The following RYR1 variants were observed in gnomAD, a reference collection of about 807,000 sequenced individuals.
The protein encoded by RYR1 is central core disease of muscle.
Under a neutral mutation model 583.5 loss-of-function variants are expected in RYR1, and 342 were observed. The ratio of observed to expected loss-of-function variants is 0.59; its 90% CI spans 0.54 to 0.64. RYR1 has a LOEUF of 0.64. Among genes scored for constraint, RYR1 ranks in the 30% least tolerant of loss-of-function variants. The pLI, the probability that RYR1 is intolerant of heterozygous loss-of-function variation, is 0.00. For synonymous variants in RYR1, 2,791 were observed against 2,822.5 expected (o/e 0.99, Z 0.35); for missense variants, 6,032 against 6,917.2 (o/e 0.87, Z 4.54).
rs1969812171 is a variant in RYR1, at chr19:38,496,179, G to A, written c.6549-36G>A. 1 of 1,580,768 alleles carries A rather than the reference G, an allele frequency of 6.3e-7. No homozygotes were observed. Among genetic ancestry groups the A allele is most frequent in the Non-Finnish European group, 8.7e-7 (1 of 1,152,328 alleles). On this transcript the variant is annotated intron_variant, in intron 39 of 105. Coordinates refer to ENST00000359596, the MANE Select transcript of RYR1 (RefSeq NM_000540.3). The surrounding 1 kb of genome is among the most constrained non-coding windows in gnomAD (Gnocchi z 4.8). ...TGGCTATGGCCCTCTCCGGACCTGG[G>A]CCCCTGGTGACCCCGCACACTCTGC...
chr19:38,515,655 C>CTGGTG (rs895023051), intron 64 of RYR1, among the ~76,000 whole-genome samples: 9 of 152,088 alleles, frequency 5.9e-5, no homozygotes, highest in African/African-American at 1.9e-4. Context: ...TTTAATTAGC[C>CTGGTG]TGGTGTGGTG....
Position 38,516,083 on chromosome 19 carries a change from C to T in RYR1, c.9555-4C>T, listed in dbSNP as rs1417337927. The stretch of plus-strand genomic sequence containing the variant: ...TGGCAGCTAAACACAGCCCCGTCTT[C>T]CAGGCTTCGGCCAGCCCTCGGGGAG... On this transcript the variant is annotated splice_region_variant and splice_polypyrimidine_tract_variant and intron_variant, in intron 64 of 105. Coordinates refer to ENST00000359596, the MANE Select transcript of RYR1 (RefSeq NM_000540.3). 5.8e-6 allele frequency: 9 copies of T among 1,547,938 alleles called. No individual in the cohort carries two copies. In the Admixed American group the frequency reaches 1.8e-4, roughly 30 times the overall value.
intron 38 of RYR1, 50 bp downstream of exon 38, chr19:38,492,686 C>A (rs367671018): frequency 6.4e-7 from 1 of 1,561,036 alleles, no homozygotes. Flanking sequence ...TGGGTAGCCC[C>A]ATGCCTGCGG....
chr19:38,547,606 C>T (rs1324665794), intron 88 of RYR1, among the ~76,000 whole-genome samples: 1 of 152,052 alleles, frequency 6.6e-6, no homozygotes, highest in Non-Finnish European at 1.5e-5. Flanking sequence ...GAGTGCATGA[C>T]TTTCTCTATG....
In RYR1 at chr19:38,543,706, G is replaced by A. The variant is rs759527000; in HGVS notation, c.11907+46G>A. On this transcript the variant is annotated intron_variant, in intron 86 of 105. Coordinates refer to ENST00000359596, the MANE Select transcript of RYR1 (RefSeq NM_000540.3). The surrounding 1 kb of genome is among the most constrained non-coding windows in gnomAD (Gnocchi z 4.4). ...CGGGAGTGGGAAGGGAGGGGGTCCC[G>A]CATCGTGATCCCTGATCCCTTCTCG... is the stretch of plus-strand genomic sequence containing the variant. The A allele has an allele frequency of 9.3e-6, 15 of 1,611,268 alleles. No individual in the cohort carries two copies. Among genetic ancestry groups the A allele is most frequent in the Non-Finnish European group, 1.3e-5 (15 of 1,179,956 alleles).
chr19:38,493,026 G>A (rs866850916), intron 38 of RYR1, among the ~76,000 whole-genome samples: 7 of 151,868 alleles, frequency 4.6e-5, no homozygotes, highest in African/African-American at 1.7e-4. Flanking sequence ...CCCAGATTGC[G>A]CCACTGCACT....
In RYR1 at chr19:38,463,500, C is replaced by T; in HGVS notation, c.2655C>T (p.Arg885=). The change falls in exon 21 of 106, where the codon CGC becomes CGT. Residue 885 remains arginine (R), a synonymous_variant. Coordinates refer to ENST00000359596, the MANE Select transcript of RYR1 (RefSeq NM_000540.3). ...ENIHELWALT[R]IEQGWTYGPV... ...TCCACGAGCTCTGGGCGCTAACCCG[C>T]ATCGAGCAGGGCTGGACCTACGGCC... 6.2e-7 allele frequency: 1 copy of T among 1,613,204 alleles called. No individual in the cohort carries two copies. Among genetic ancestry groups the T allele is most frequent in the South Asian group, 1.1e-5 (1 of 91,076 alleles).
At chr19:38,438,193 C>T (rs1162325825) in intron 1 of RYR1, among the ~76,000 whole-genome samples, 1 of 151,800 alleles carries the variant, frequency 6.6e-6, no homozygotes, top group African/African-American at 2.4e-5. Context: ...CAAGGCTCAA[C>T]TCAAATGTCA....
intron 99 of RYR1, among the ~76,000 whole-genome samples, chr19:38,578,951 T>C (rs1974078255): frequency 6.6e-6 from 1 of 151,104 alleles, no homozygotes; most frequent in Non-Finnish European, 1.5e-5. Context: ...TGAAACCCTG[T>C]CTCTACAAAC....
At position 38,490,719 on chromosome 19, in the gene RYR1, G is replaced by C. The variant is rs373751867; in HGVS notation, c.6114G>C (p.Leu2038=). The part of the protein sequence containing the change: ...RQDLLDFHQD[L]LAHCGIQLDG... ...ATTTGCTTGACTTTCATCAAGACCTGCTGGCACACTGTGGTAAGGAGTGGG... is the reference window on the plus strand; with the variant it reads ...ATTTGCTTGACTTTCATCAAGACCTCCTGGCACACTGTGGTAAGGAGTGGG... The change falls in exon 37 of 106, where the codon CTG becomes CTC. Residue 2038 remains leucine, a synonymous_variant. Coordinates refer to ENST00000359596, the MANE Select transcript of RYR1 (RefSeq NM_000540.3). 1.2e-6 allele frequency: 2 copies of C among 1,611,166 alleles called. No homozygotes were observed. Among genetic ancestry groups the C allele is most frequent in the Non-Finnish European group, 8.5e-7 (1 of 1,177,230 alleles).
At chr19:38,511,093 T>G (rs1970707103) in intron 60 of RYR1, among the ~76,000 whole-genome samples, 2 of 151,882 alleles carry the variant, frequency 1.3e-5, no homozygotes, top group Admixed American at 1.3e-4. Context: ...GCCAGGAGTT[T>G]GAGGCCAGCC....
chr19:38,537,131 A>C, intron 83 of RYR1: 2 of 363,490 alleles, frequency 5.5e-6, no homozygotes, highest in South Asian at 6.8e-5. Flanking sequence ...ACTCCCACCT[A>C]CTCTGCTCTC....
chr19:38,578,665 C>T (rs1406655791), intron 99 of RYR1, among the ~76,000 whole-genome samples: 1 of 151,892 alleles, frequency 6.6e-6, no homozygotes, highest in Non-Finnish European at 1.5e-5. Flanking sequence ...GCAGCAGGTG[C>T]CTGTAATCCC....
At position 38,529,068 on chromosome 19, in the gene RYR1, T is replaced by C; in HGVS notation, c.11141+11T>C. On this transcript the variant is annotated intron_variant, in intron 76 of 105. Transcript: ENST00000359596. ...CCTGACGGAAAAGAGGTGAAGACTC[T>C]TGCCAGGGCCCCAGAAATGCCCCCA... The C allele has an allele frequency of 6.2e-7, 1 of 1,612,858 alleles. No individual in the cohort carries two copies. Among genetic ancestry groups the C allele is most frequent in the East Asian group, 2.2e-5 (1 of 44,878 alleles).
At chr19:38,481,149 CAG>C (rs1968988232) in intron 31 of RYR1, among the ~76,000 whole-genome samples, 1 of 152,248 alleles carries the variant, frequency 6.6e-6, no homozygotes, top group East Asian at 1.9e-4. Context: ...TTTATTAAGA[CAG>C]GGTCTCATTC....
At chr19:38,464,342 CAGAA>C (rs1239775957) in intron 22 of RYR1, among the ~76,000 whole-genome samples, 1 of 136,478 alleles carries the variant, frequency 7.3e-6, no homozygotes, top group African/African-American at 2.8e-5. Flanking sequence ...GGGACAGAGG[CAGAA>C]AGAGAGAGAA....
chr19:38,460,446 A>T lies in RYR1; in HGVS notation c.2432A>T (p.His811Leu). 8 of 1,614,122 alleles carry T rather than the reference A, an allele frequency of 5.0e-6. No homozygotes were observed. The highest frequency in any genetic ancestry group is 5.9e-6 in the Non-Finnish European group (7 of 1,180,020). The change falls in exon 20 of 106, where the codon CAT (histidine) becomes CTT (leucine). Residue 811 changes from histidine to leucine, a missense_variant. His to Leu is a moderately conservative substitution (Grantham distance 99). This residue lies in a region of RYR1 where 2,627 missense variants were observed against 2,961.3 expected (regional missense o/e 0.89). Coordinates refer to ENST00000359596, the MANE Select transcript of RYR1 (RefSeq NM_000540.3). Reference sequence around the variant, plus strand: ...CCCCCACCTGGCTATGCTCCATGCCATGAGGCTGTGCTCCCTCGAGAGCGA... The same window carrying T: ...CCCCCACCTGGCTATGCTCCATGCCTTGAGGCTGTGCTCCCTCGAGAGCGA... ...FLPPPGYAPC[H>L]EAVLPRERLH...
In RYR1 at chr19:38,519,376, T is replaced by C; in HGVS notation, c.10181T>C (p.Val3394Ala). 6.2e-7 allele frequency: 1 copy of C among 1,607,678 alleles called. No individual in the cohort carries two copies. The highest frequency in any genetic ancestry group is 8.5e-7 in the Non-Finnish European group (1 of 1,177,362). ...KAEAQEGELL[V>A]RDEFSVLCRD... ...GAGGCCCAGGAGGGCGAGCTGCTGG[T>C]GCGGGACGAGTTCTCTGTGCTCTGC... is the stretch of plus-strand genomic sequence containing the variant. Residue 3394 changes from valine to alanine, a missense_variant, in exon 67 of 106, where the codon GTG becomes GCG. Coordinates refer to ENST00000359596, the MANE Select transcript of RYR1 (RefSeq NM_000540.3).
At chr19:38,518,841 C>T (rs1262380066) in intron 66 of RYR1, among the ~76,000 whole-genome samples, 9 of 151,932 alleles carry the variant, frequency 5.9e-5, no homozygotes, top group Middle Eastern at 3.4e-3. Context: ...GCAGGAAAAT[C>T]GCTTGAACTC....
Sources: gnomAD v4.1 joint callset for allele counts (sites outside exome capture counted in the v4.1 genomes callset) on GRCh38, gnomAD v4.1.1 for gene constraint, gnomAD v4.1.1 regional missense constraint, Gnocchi (gnomAD v3.1) non-coding constraint, MANE v1.5 for transcripts, NCBI Gene and HGNC (gene_info 2026-07-23, HGNC 2026-07-21) for gene names.